The following EBF1 variants were observed in gnomAD, a reference collection of about 807,000 sequenced individuals.
EBF1 encodes the protein transcription factor COE1.
A neutral mutation model predicts 68.4 loss-of-function variants in EBF1; 10 were observed. The observed-to-expected ratio is 0.15, with a 90% CI of 0.09 to 0.25. The LOEUF (loss-of-function observed/expected upper bound fraction) is 0.25, where lower values mean the gene tolerates loss of function less well. Among genes scored for constraint, EBF1 ranks in the 10% least tolerant of loss-of-function variants. The probability of loss-of-function intolerance (pLI) is 1.00; values close to 1 mark genes in which losing one functional copy is unlikely to be tolerated. For missense variants in EBF1, 509 were observed against 794.4 expected (o/e 0.64, Z 4.32); for synonymous variants, 298 against 299.8 (o/e 0.99, Z 0.06).
In EBF1 at chr5:158,698,537, G is replaced by T. The variant is rs1420491401; in HGVS notation, c.*574C>A. The T allele has an allele frequency of 2.7e-5, 6 of 220,380 alleles. No individual in the cohort carries two copies. The highest frequency in any genetic ancestry group is 5.5e-5 in the Non-Finnish European group (6 of 109,806). The allele number at this position is 220,380 out of a possible 1,614,324, so 13.7% of individuals were successfully genotyped here. A position where few individuals can be genotyped will look rare whatever the true frequency, so the allele number is the denominator to read the frequency against. ...GCATGTTAAGTTAGATATTGAAAAT[G>T]CACTGTCTGAGCTAACTACCATTTG... On this transcript the variant is annotated 3_prime_UTR_variant, in exon 16 of 16. Transcript: ENST00000313708.
At chr5:158,754,350 CA>C (rs1234129831) in intron 10 of EBF1, among the ~76,000 whole-genome samples, 1 of 152,204 alleles carries the variant, frequency 6.6e-6, no homozygotes, top group African/African-American at 2.4e-5. Context: ...AACCCTCAGG[CA>C]ATGACTTTTC....
intron 6 of EBF1, among the ~76,000 whole-genome samples, chr5:159,014,884 C>T (rs1232440993): frequency 6.6e-6 from 1 of 152,126 alleles, no homozygotes; most frequent in Non-Finnish European, 1.5e-5. Flanking sequence ...AGGGATGAGA[C>T]CACCCTCTAG....
rs1184997792 is a variant in EBF1 at position 158,889,846 on chromosome 5, T to C, written c.555-49736A>G. ...TTCAACCAACCACAAATCAAAGATA[T>C]TCAAACAATAAACAATGATACGAAA... On this transcript the variant is annotated intron_variant, in intron 6 of 15. Transcript: ENST00000313708. 5.9e-5 allele frequency among the ~76,000 whole-genome samples: 9 copies of C among 152,138 alleles called. No individual in the cohort carries two copies. The East Asian group carries it at 1.7e-3, about 29-fold the overall frequency.
intron 9 of EBF1, 90 bp downstream of exon 9, chr5:158,796,255 A>G (rs1411131252): frequency 1.5e-6 from 2 of 1,344,074 alleles, no homozygotes; most frequent in South Asian, 2.1e-5. Flanking sequence ...CGGCACCACT[A>G]GAGTCTACAC....
At chr5:159,068,854 G>A (rs779114825) in intron 6 of EBF1, among the ~76,000 whole-genome samples, 4 of 152,042 alleles carry the variant, frequency 2.6e-5, no homozygotes, top group African/African-American at 4.8e-5. Context: ...CCTTGCGTAA[G>A]TGTGACCCGA....
intron 10 of EBF1, among the ~76,000 whole-genome samples, chr5:158,773,491 T>A (rs1774325044): frequency 6.6e-6 from 1 of 151,906 alleles, no homozygotes. Flanking sequence ...GACATCTGAG[T>A]TGTTAGATGA....
chr5:159,091,915 G>C (rs1051334683), intron 4 of EBF1, among the ~76,000 whole-genome samples: 1 of 152,082 alleles, frequency 6.6e-6, no homozygotes, highest in African/African-American at 2.4e-5. Context: ...GCAGGCTTTT[G>C]TTTAGGGGAA....
intron 6 of EBF1, among the ~76,000 whole-genome samples, chr5:158,972,227 C>T (rs935367470): frequency 6.6e-6 from 1 of 152,178 alleles, no homozygotes; most frequent in African/African-American, 2.4e-5. Flanking sequence ...CCTCCCTGCT[C>T]TTCCATCTAC....
intron 6 of EBF1, among the ~76,000 whole-genome samples, chr5:158,956,721 C>A (rs914053132): frequency 6.7e-6 from 1 of 150,338 alleles, no homozygotes; most frequent in African/African-American, 2.4e-5. Context: ...TAAGCATGTA[C>A]TACCACTCCC....
intron 4 of EBF1, among the ~76,000 whole-genome samples, chr5:159,092,617 T>A (rs1204728648): frequency 6.6e-6 from 1 of 152,202 alleles, no homozygotes; most frequent in Non-Finnish European, 1.5e-5. Flanking sequence ...TTTATGGAAA[T>A]GTAGAATGCA....
intron 8 of EBF1, among the ~76,000 whole-genome samples, chr5:158,811,383 G>A (rs1416188868): frequency 6.6e-6 from 1 of 152,178 alleles, no homozygotes; most frequent in Non-Finnish European, 1.5e-5. Context: ...AGTCCAATGT[G>A]GAGGGGAGGT....
At position 158,815,934 on chromosome 5, in the gene EBF1, C is replaced by A. The variant is rs981826955; in HGVS notation, c.778+7242G>T. 2.6e-5 allele frequency among the ~76,000 whole-genome samples: 4 copies of A among 152,326 alleles called. No individual in the cohort carries two copies. In the South Asian group the frequency reaches 8.3e-4, roughly 32 times the overall value. ...TACCTGAAAATCTGGGGTCTCAGTG[C>A]TCTATTTTATGACACAGCTGGATAT... On this transcript the variant is annotated intron_variant, in intron 8 of 15. Coordinates refer to ENST00000313708, the MANE Select transcript of EBF1 (RefSeq NM_024007.5).
chr5:158,698,751 G>C lies in EBF1; in HGVS notation c.*360C>G, dbSNP rs1756159799. 4.6e-6 allele frequency: 1 copy of C among 219,686 alleles called. No individual in the cohort carries two copies. Among genetic ancestry groups the C allele is most frequent in the African/African-American group, 2.4e-5 (1 of 41,236 alleles). The allele number at this position is 219,686 out of a possible 1,614,324, so 13.6% of individuals were successfully genotyped here. ...AAAACATCATAAATTAAAACATGGA[G>C]TCTTATTTATAGTGTCCCTTGTATA... On this transcript the variant is annotated 3_prime_UTR_variant, in exon 16 of 16. Transcript: ENST00000313708.
chr5:158,877,428 A>G (rs1307067092), intron 6 of EBF1, among the ~76,000 whole-genome samples: 2 of 138,726 alleles, frequency 1.4e-5, no homozygotes, highest in Admixed American at 7.1e-5. Flanking sequence ...AATTTCTCTC[A>G]TACTTGTACC....
chr5:158,810,366 G>C (rs1488368473), intron 8 of EBF1, among the ~76,000 whole-genome samples: 1 of 152,144 alleles, frequency 6.6e-6, no homozygotes, highest in African/African-American at 2.4e-5. Flanking sequence ...AAGAATTAAA[G>C]ATCTCAATTT....
chr5:158,798,667 C>T (rs1780024062), intron 8 of EBF1, among the ~76,000 whole-genome samples: 1 of 152,174 alleles, frequency 6.6e-6, no homozygotes, highest in African/African-American at 2.4e-5. Flanking sequence ...CTTTCAAACA[C>T]TTCCCAAGGA....
intron 6 of EBF1, among the ~76,000 whole-genome samples, chr5:158,975,312 C>T (rs146396995): frequency 5.9e-5 from 9 of 152,264 alleles, no homozygotes; most frequent in Non-Finnish European, 1.2e-4. Flanking sequence ...AGTCCTAATA[C>T]TTAGTACATA....
intron 10 of EBF1, among the ~76,000 whole-genome samples, chr5:158,765,668 T>C (rs1772504387): frequency 6.6e-6 from 1 of 152,136 alleles, no homozygotes. Context: ...GTCGCTCTTC[T>C]GTTGTTGTTT....
intron 6 of EBF1, among the ~76,000 whole-genome samples, chr5:158,897,956 C>T (rs914623288): frequency 2.0e-5 from 3 of 152,050 alleles, no homozygotes; most frequent in African/African-American, 7.2e-5. Context: ...GGGTACTGGG[C>T]GAGGCATCTA....
Sources: allele counts gnomAD v4.1 joint callset (sites outside exome capture counted in the v4.1 genomes callset), GRCh38; gene constraint gnomAD v4.1.1; transcripts MANE v1.5; gene names NCBI Gene and HGNC (gene_info 2026-07-23, HGNC 2026-07-21).